Variants in ATF6 observed in about 807,000 individuals in gnomAD.
ATF6 encodes activating transcription factor 6.
ATF6 carries 53 observed loss-of-function variants against 83.6 expected under a neutral mutation model. That is an observed-to-expected ratio of 0.63 (90% CI 0.51 to 0.80). ATF6 has a LOEUF of 0.80. Ranked by LOEUF, ATF6 falls within the 30% of genes least tolerant of loss-of-function variation. The pLI is 0.00. For synonymous variants in ATF6, 288 were observed against 285.8 expected, an observed-to-expected ratio of 1.01 and a Z score of -0.08; for missense variants, 744 against 797.9, an observed-to-expected ratio of 0.93 and a Z score of 0.81.
chr1:161,930,265 T>A (rs1250783631), intron 15 of ATF6, among the ~76,000 whole-genome samples: 3 of 152,246 alleles, frequency 2.0e-5, no homozygotes, highest in Non-Finnish European at 2.9e-5. Context: ...TTGGGTTTTT[T>A]AAAACAATTT....
intron 15 of ATF6, among the ~76,000 whole-genome samples, chr1:161,952,555 GAGGAC>G (rs1688886566): frequency 6.6e-6 from 1 of 151,980 alleles, no homozygotes; most frequent in Admixed American, 6.6e-5. Context: ...TAAGCTCCAT[GAGGAC>G]AGGATTTTTT....
At position 161,846,546 on chromosome 1, in the gene ATF6, A is replaced by C; in HGVS notation, c.1285A>C (p.Thr429Pro). The C allele has an allele frequency of 6.2e-7, 1 of 1,609,930 alleles. No individual in the cohort carries two copies. Among genetic ancestry groups the C allele is most frequent in the Non-Finnish European group, 8.5e-7 (1 of 1,177,578 alleles). ...LGFSAKEAQD[T>P]SDGIIQKNSY... ...ATTTTCTGCTAAAGAGGCACAGGAC[A>C]CATCAGATGGTATTATCCAGAAAAA... is the stretch of plus-strand genomic sequence containing the variant. The change falls in exon 10 of 16, where the codon ACA becomes CCA. Residue 429 changes from threonine (T) to proline (P), a missense_variant. By Grantham distance (38) the Thr-to-Pro change is conservative. Transcript: ENST00000367942.
chr1:161,821,028 C>A (rs181456626), intron 8 of ATF6, 42 bp from the exon 9 acceptor site: 4 of 1,391,834 alleles, frequency 2.9e-6, no homozygotes, highest in South Asian at 1.3e-5. Context: ...TTTCTGAAAT[C>A]GATGTTAGTT....
intron 14 of ATF6, among the ~76,000 whole-genome samples, chr1:161,881,144 G>A (rs1465577875): frequency 6.6e-6 from 1 of 152,032 alleles, no homozygotes; most frequent in Non-Finnish European, 1.5e-5. Context: ...TGTGTGTGTT[G>A]TTTTGTTTAG....
At chr1:161,796,390 C>T (rs1186647840) in intron 6 of ATF6, among the ~76,000 whole-genome samples, 1 of 152,122 alleles carries the variant, frequency 6.6e-6, no homozygotes. Context: ...TAGAACATGG[C>T]TTCCTATAAT....
chr1:161,776,056 G>A (rs1160084586), intron 1 of ATF6, among the ~76,000 whole-genome samples: 2 of 151,942 alleles, frequency 1.3e-5, no homozygotes, highest in Non-Finnish European at 2.9e-5. Context: ...AACATCTTAG[G>A]ATTCTTTTAG....
chr1:161,813,470 C>T (rs1557974124), intron 7 of ATF6, among the ~76,000 whole-genome samples: 2 of 152,164 alleles, frequency 1.3e-5, no homozygotes, highest in Non-Finnish European at 1.5e-5. Flanking sequence ...TGGCTTTAAA[C>T]TTTTTTGTAC....
intron 9 of ATF6, among the ~76,000 whole-genome samples, chr1:161,834,148 G>A (rs1686148958): frequency 1.3e-5 from 2 of 152,082 alleles, no homozygotes; most frequent in African/African-American, 4.8e-5. Flanking sequence ...TTCATATCCA[G>A]CCAAACTAAG....
intron 9 of ATF6, 103 bp from the exon 10 acceptor site, chr1:161,846,346 A>G: frequency 2.3e-6 from 3 of 1,306,142 alleles, no homozygotes; most frequent in Non-Finnish European, 3.1e-6. Context: ...TGTTACGTGC[A>G]TGGATCTGCA....
Position 161,863,044 on chromosome 1 carries a change from G to A in ATF6, c.1605-154G>A, listed in dbSNP as rs2340719. ...TAAAATATCCTGATCCTTGGGCTTTGCAAAATATTGTTATAAAAATTACTG... is the reference window on the plus strand; with the variant it reads ...TAAAATATCCTGATCCTTGGGCTTTACAAAATATTGTTATAAAAATTACTG... On this transcript the variant is annotated intron_variant, in intron 13 of 15. Transcript: ENST00000367942. Among the ~76,000 whole-genome samples the A allele has an allele frequency of 0.93, 142,094 of 152,180 alleles. 66,492 individuals are homozygous for A. The highest frequency in any genetic ancestry group is 1 in the East Asian group (5,177 of 5,184).
intron 10 of ATF6, 80 bp from the exon 11 acceptor site, chr1:161,851,642 C>A: frequency 1.1e-6 from 1 of 890,096 alleles, no homozygotes; most frequent in Non-Finnish European, 1.8e-6. Flanking sequence ...GAAAAGTTAA[C>A]ACTAATGATG....
intron 15 of ATF6, among the ~76,000 whole-genome samples, chr1:161,915,524 C>G (rs1688078237): frequency 6.6e-6 from 1 of 152,224 alleles, no homozygotes; most frequent in Non-Finnish European, 1.5e-5. Context: ...ACTCCTAGCA[C>G]TTCTCACAGT....
chr1:161,908,730 A>AT (rs1687926281), intron 14 of ATF6, among the ~76,000 whole-genome samples: 1 of 152,180 alleles, frequency 6.6e-6, no homozygotes, highest in Non-Finnish European at 1.5e-5. Flanking sequence ...GTGCCGAAAT[A>AT]TATTTCTTTC....
chr1:161,790,088 C>T (rs920911000), intron 4 of ATF6, among the ~76,000 whole-genome samples: 3 of 152,022 alleles, frequency 2.0e-5, no homozygotes, highest in African/African-American at 4.8e-5. Context: ...GCTGTTCCTG[C>T]CTTTTGTCTA....
chr1:161,933,329 A>G (rs1043313136), intron 15 of ATF6, among the ~76,000 whole-genome samples: 4 of 152,224 alleles, frequency 2.6e-5, no homozygotes, highest in Non-Finnish European at 4.4e-5. Flanking sequence ...TAAAATATGC[A>G]TATGTGTATA....
At chr1:161,864,121 A>T (rs1686942058) in intron 14 of ATF6, among the ~76,000 whole-genome samples, 1 of 151,030 alleles carries the variant, frequency 6.6e-6, no homozygotes, top group Non-Finnish European at 1.5e-5. Context: ...TGTGTTGCCC[A>T]GGCTGGACTC....
intron 10 of ATF6, 61 bp from the exon 11 acceptor site, chr1:161,851,661 A>G (rs1452782698): frequency 1.7e-6 from 2 of 1,157,880 alleles, no homozygotes; most frequent in African/African-American, 1.5e-5. Flanking sequence ...TGATTTTCTT[A>G]TAGCAAACTT....
intron 14 of ATF6, among the ~76,000 whole-genome samples, chr1:161,904,622 ACAAAACAC>A (rs917040427): frequency 2.0e-5 from 3 of 148,058 alleles, no homozygotes; most frequent in Non-Finnish European, 3.0e-5. Flanking sequence ...AACAAAAAAA[ACAAAACAC>A]ACACACACAC....
intron 14 of ATF6, among the ~76,000 whole-genome samples, chr1:161,885,326 C>T (rs1422851425): frequency 6.6e-6 from 1 of 152,076 alleles, no homozygotes; most frequent in East Asian, 1.9e-4. Flanking sequence ...TCTAGTACTC[C>T]CCAGTATGTT....
Sources: gnomAD v4.1 joint callset for allele counts (sites outside exome capture counted in the v4.1 genomes callset) on GRCh38, gnomAD v4.1.1 for gene constraint, MANE v1.5 for transcripts, NCBI Gene and HGNC (gene_info 2026-07-23, HGNC 2026-07-21) for gene names.